The following MAPKBP1 variants were observed in gnomAD, a reference collection of about 807,000 sequenced individuals.
MAPKBP1 encodes mitogen-activated protein kinase binding protein 1.
MAPKBP1 carries 71 observed loss-of-function variants against 170.5 expected under a neutral mutation model. That is an observed-to-expected ratio of 0.42 (90% CI 0.34 to 0.51). MAPKBP1 has a LOEUF of 0.51. Ranked by LOEUF, MAPKBP1 falls within the 20% of genes least tolerant of loss-of-function variation. The pLI is 0.06. For missense variants in MAPKBP1, 1,598 were observed against 1,933.0 expected, an observed-to-expected ratio of 0.83 and a Z score of 3.25; for synonymous variants, 719 against 757.9, an observed-to-expected ratio of 0.95 and a Z score of 0.84.
chr15:41,823,676 C>T lies in MAPKBP1; in HGVS notation c.3828C>T (p.Val1276=). The stretch of plus-strand genomic sequence containing the variant: ...CTCAAGCTCATGCCCCCATCCGAGT[C>T]TCACCACTCAGCAAGCTGGCCCTGC... ...AEPQAHAPIR[V]SPLSKLALPS... The change falls in exon 29 of 31, where the codon GTC becomes GTT. Residue 1276 remains valine, a synonymous_variant. Coordinates refer to ENST00000457542, the MANE Select transcript of MAPKBP1 (RefSeq NM_014994.3). 6.2e-7 allele frequency: 1 copy of T among 1,614,200 alleles called. No individual in the cohort carries two copies. Among genetic ancestry groups the T allele is most frequent in the Non-Finnish European group, 8.5e-7 (1 of 1,180,028 alleles).
intron 21 of MAPKBP1, 26 bp downstream of exon 21, chr15:41,819,405 A>T: frequency 1.2e-6 from 2 of 1,612,870 alleles, no homozygotes; most frequent in Non-Finnish European, 1.7e-6. Flanking sequence ...GTGTGGGGGC[A>T]GACAGGCCCT....
At chr15:41,781,517 C>T (rs1341727192) in intron 2 of MAPKBP1, among the ~76,000 whole-genome samples, 1 of 151,598 alleles carries the variant, frequency 6.6e-6, no homozygotes, top group East Asian at 1.9e-4. Flanking sequence ...GTGGTGCACA[C>T]CTATAGCCCC....
At chr15:41,775,818 T>G (rs1033774722) in intron 2 of MAPKBP1, among the ~76,000 whole-genome samples, 2 of 152,234 alleles carry the variant, frequency 1.3e-5, no homozygotes, top group African/African-American at 4.8e-5. Context: ...AGAAATATGC[T>G]AAAACACCTA....
Position 41,822,693 on chromosome 15 carries a change from AC to A in MAPKBP1, c.3314+22del. 2.5e-6 allele frequency: 4 copies of A among 1,612,790 alleles called. No individual in the cohort carries two copies. Among genetic ancestry groups the A allele is most frequent in the Non-Finnish European group, 3.4e-6 (4 of 1,179,414 alleles). ...GCCCACTCAGGTACAGAGGCCCCCT[AC>A]CCCCCAGCAGCAGCTCTGGCTCTCC... is the stretch of plus-strand genomic sequence containing the variant. On this transcript the variant is annotated intron_variant, in intron 27 of 30. Transcript: ENST00000457542.
rs2065139980 is a variant in MAPKBP1, at chr15:41,827,704, G to A, written c.*2268G>A. On this transcript the variant is annotated 3_prime_UTR_variant, in exon 31 of 31. Coordinates refer to ENST00000457542, the MANE Select transcript of MAPKBP1 (RefSeq NM_014994.3). The stretch of plus-strand genomic sequence containing the variant: ...CCCACTCCAGATTTGCCCCCGCCTT[G>A]TTTTGAAAGCCCCTTATTTATAACT... 6.3e-6 allele frequency: 1 copy of A among 158,022 alleles called. No individual in the cohort carries two copies. The highest frequency in any genetic ancestry group is 2.4e-5 in the African/African-American group (1 of 41,694). The allele number at this position is 158,022 out of a possible 1,614,324, so 9.8% of individuals were successfully genotyped here. A position where few individuals can be genotyped will look rare whatever the true frequency, so the allele number is the denominator to read the frequency against.
rs1275346720 is a variant in MAPKBP1, at chr15:41,822,050, A to G, written c.2971A>G (p.Ser991Gly). The G allele has an allele frequency of 2.5e-6, 4 of 1,608,066 alleles. No individual in the cohort carries two copies. The Admixed American group carries it at 5.0e-5, about 20-fold the overall frequency. Residue 991 changes from serine (S) to glycine (G), a missense_variant, in exon 25 of 31, where the codon AGT (serine) becomes GGT (glycine). This residue lies in a region of MAPKBP1 where 942 missense variants were observed against 953.2 expected (regional missense o/e 0.99). Coordinates refer to ENST00000457542, the MANE Select transcript of MAPKBP1 (RefSeq NM_014994.3). The part of the protein sequence containing the change: ...SRSSEKHSPD[S>G]ACSVDYSSSC... Reference sequence around the variant, plus strand: ...GAGCTCAGAAAAGCACAGCCCTGACAGTGCCTGCTCTGTGGATTACAGCAG... The same window carrying G: ...GAGCTCAGAAAAGCACAGCCCTGACGGTGCCTGCTCTGTGGATTACAGCAG...
intron 5 of MAPKBP1, chr15:41,811,454 T>C: frequency 1.4e-6 from 1 of 700,742 alleles, no homozygotes; most frequent in South Asian, 1.5e-5. Flanking sequence ...GTCCTCAGAG[T>C]TTCTGATTCT....
At position 41,823,606 on chromosome 15, in the gene MAPKBP1, C is replaced by A; in HGVS notation, c.3758C>A (p.Ser1253Tyr). Residue 1253 changes from serine to tyrosine, a missense_variant, in exon 29 of 31, where the codon TCC (serine) becomes TAC (tyrosine). Physicochemically the swap from Ser to Tyr is moderately radical, Grantham distance 144. Coordinates refer to ENST00000457542, the MANE Select transcript of MAPKBP1 (RefSeq NM_014994.3). ...ACCACCAGTTCCATGGCCAAGATAT[C>A]CCGCAGTATCTCTGTTGGGGAGAAC... ...NPTTSSMAKISRSISVGENLG... is the reference protein window; with the variant it reads ...NPTTSSMAKIYRSISVGENLG... 6.2e-7 allele frequency: 1 copy of A among 1,614,150 alleles called. No individual in the cohort carries two copies. Among genetic ancestry groups the A allele is most frequent in the Non-Finnish European group, 8.5e-7 (1 of 1,180,028 alleles).
Position 41,823,629 on chromosome 15 carries a change from A to G in MAPKBP1, c.3781A>G (p.Asn1261Asp). The change falls in exon 29 of 31, where the codon AAC (asparagine) becomes GAC (aspartate). Residue 1261 changes from asparagine to aspartate, a missense_variant. Asn to Asp is a conservative substitution (Grantham distance 23, BLOSUM62 1). Around this residue, in one of 6 missense-constraint regions of MAPKBP1, gnomAD observed 942 missense variants for 953.2 expected, o/e 0.99. Coordinates refer to ENST00000457542, the MANE Select transcript of MAPKBP1 (RefSeq NM_014994.3). The stretch of plus-strand genomic sequence containing the variant: ...ATCCCGCAGTATCTCTGTTGGGGAG[A>G]ACCTGGGCCTGGTGGCTGAACCTCA... ...KISRSISVGE[N>D]LGLVAEPQAH... The G allele has an allele frequency of 1.2e-6, 2 of 1,614,028 alleles. No individual in the cohort carries two copies. The highest frequency in any genetic ancestry group is 1.7e-6 in the Non-Finnish European group (2 of 1,179,988).
At position 41,818,672 on chromosome 15, in the gene MAPKBP1, G is replaced by A. The variant is rs2064933644; in HGVS notation, c.2156+90G>A. 1 of 1,505,676 alleles carries A rather than the reference G, an allele frequency of 6.6e-7. No individual in the cohort carries two copies. Among genetic ancestry groups the A allele is most frequent in the East Asian group, 2.3e-5 (1 of 43,558 alleles). 93.3% of individuals were successfully genotyped at this position (1,505,676 alleles called of 1,614,324 possible). ...TCTCTCCATTTCAGTGATGTCTCTG[G>A]GAAGTGGGGTTAACAGGGATAGCTT... On this transcript the variant is annotated intron_variant, in intron 19 of 30. Transcript: ENST00000457542. This position sits in a 1 kb window ranked among gnomAD's most constrained non-coding sequence, Gnocchi z 5.2.
chr15:41,799,103 G>A (rs1288663021), intron 2 of MAPKBP1, among the ~76,000 whole-genome samples: 2 of 152,136 alleles, frequency 1.3e-5, no homozygotes, highest in African/African-American at 2.4e-5. Flanking sequence ...TACTAATGAT[G>A]AGAGTGATGA....
chr15:41,804,090 T>A (rs1162939197), intron 3 of MAPKBP1, among the ~76,000 whole-genome samples: 1 of 152,236 alleles, frequency 6.6e-6, no homozygotes, highest in African/African-American at 2.4e-5. Context: ...TCTGCCCACA[T>A]TGGCCTCCCA....
intron 2 of MAPKBP1, among the ~76,000 whole-genome samples, chr15:41,781,982 C>T (rs891422572): frequency 2.0e-5 from 3 of 151,658 alleles, no homozygotes; most frequent in South Asian, 2.1e-4. Flanking sequence ...GGCGCAGTGG[C>T]TCATGCCTGT....
intron 2 of MAPKBP1, among the ~76,000 whole-genome samples, chr15:41,794,773 G>T (rs945446164): frequency 3.9e-5 from 6 of 152,176 alleles, no homozygotes; most frequent in Non-Finnish European, 5.9e-5. Flanking sequence ...TGTCCTCAAA[G>T]AGCTCACATT....
intron 2 of MAPKBP1, among the ~76,000 whole-genome samples, chr15:41,793,313 C>G (rs939254885): frequency 2.0e-5 from 3 of 151,978 alleles, no homozygotes; most frequent in African/African-American, 7.2e-5. Flanking sequence ...CGGTGAAACC[C>G]CGTCTCTACT....
intron 2 of MAPKBP1, among the ~76,000 whole-genome samples, chr15:41,793,719 C>G (rs1182630439): frequency 6.6e-6 from 1 of 152,110 alleles, no homozygotes; most frequent in Admixed American, 6.5e-5. Flanking sequence ...CAAACCACCT[C>G]AAAAATCCCC....
intron 22 of MAPKBP1, among the ~76,000 whole-genome samples, 170 bp from the exon 23 acceptor site, chr15:41,820,662 C>T (rs562990496): frequency 6.6e-6 from 1 of 152,314 alleles, no homozygotes; most frequent in South Asian, 2.1e-4. Flanking sequence ...CTTCAGTCTC[C>T]TCATCTGTAA....
Position 41,822,681 on chromosome 15 carries a change from C to T in MAPKBP1, c.3314+4C>T, listed in dbSNP as rs2065020168. On this transcript the variant is annotated splice_donor_region_variant and intron_variant, in intron 27 of 30. Transcript: ENST00000457542. ...AAGTACAGACCCGCCCACTCAGGTA[C>T]AGAGGCCCCCTACCCCCCAGCAGCA... The T allele has an allele frequency of 1.9e-6, 3 of 1,613,844 alleles. No homozygotes were observed. Among genetic ancestry groups the T allele is most frequent in the Non-Finnish European group, 2.5e-6 (3 of 1,179,916 alleles).
intron 2 of MAPKBP1, among the ~76,000 whole-genome samples, chr15:41,792,702 G>A (rs2064415107): frequency 6.6e-6 from 1 of 152,202 alleles, no homozygotes; most frequent in Admixed American, 6.5e-5. Flanking sequence ...TGTGTCTCCT[G>A]GGCTGTATTT....
Sources: gnomAD v4.1 joint callset for allele counts (sites outside exome capture counted in the v4.1 genomes callset) on GRCh38, gnomAD v4.1.1 for gene constraint, gnomAD v4.1.1 regional missense constraint, Gnocchi (gnomAD v3.1) non-coding constraint, MANE v1.5 for transcripts, NCBI Gene and HGNC (gene_info 2026-07-23, HGNC 2026-07-21) for gene names.